CARMIL1: variants seen among roughly 807,000 people sequenced by gnomAD.
CARMIL1 encodes the protein capping protein regulator and myosin 1 linker 1.
Under a neutral mutation model 177.1 loss-of-function variants are expected in CARMIL1, and 90 were observed. The observed-to-expected ratio is 0.51, with a 90% CI of 0.43 to 0.61. The LOEUF (loss-of-function observed/expected upper bound fraction) is 0.61, where lower values mean the gene tolerates loss of function less well. Ranked by LOEUF, CARMIL1 falls within the 20% of genes least tolerant of loss-of-function variation. The pLI is 0.00. For synonymous variants in CARMIL1, 577 were observed against 606.2 expected (o/e 0.95, Z 0.71); for missense variants, 1,380 against 1,667.0 (o/e 0.83, Z 3.00).
At chr6:25,406,970 G>A (rs952054211) in intron 2 of CARMIL1, among the ~76,000 whole-genome samples, 2 of 152,142 alleles carry the variant, frequency 1.3e-5, no homozygotes, top group Non-Finnish European at 2.9e-5. Context: ...AACCACAGAG[G>A]CCAGTTGAAA....
chr6:25,570,706 A>T (rs1456374667), intron 29 of CARMIL1, among the ~76,000 whole-genome samples: 1 of 152,244 alleles, frequency 6.6e-6, no homozygotes, highest in African/African-American at 2.4e-5. Flanking sequence ...TAACATCATG[A>T]TGCCAGTTTA....
intron 2 of CARMIL1, among the ~76,000 whole-genome samples, chr6:25,382,944 T>C (rs146019841): frequency 8.0e-4 from 122 of 152,252 alleles, no homozygotes; most frequent in Middle Eastern, 3.4e-3. Flanking sequence ...CTTATATTTC[T>C]TATTATATCA....
intron 2 of CARMIL1, among the ~76,000 whole-genome samples, chr6:25,351,513 A>T (rs190201087): frequency 6.6e-6 from 1 of 152,218 alleles, no homozygotes; most frequent in Admixed American, 6.5e-5. Flanking sequence ...TGAAAATCGT[A>T]AATTGTTTTC....
intron 2 of CARMIL1, among the ~76,000 whole-genome samples, chr6:25,363,068 C>T (rs2150400644): frequency 6.6e-6 from 1 of 152,188 alleles, no homozygotes; most frequent in Non-Finnish European, 1.5e-5. Flanking sequence ...AAAGAAAGCA[C>T]ACAGTGGGTG....
intron 15 of CARMIL1, among the ~76,000 whole-genome samples, chr6:25,492,445 T>C (rs1044227349): frequency 2.0e-5 from 3 of 152,254 alleles, no homozygotes; most frequent in Admixed American, 2.0e-4. Context: ...CCAGTCTGAC[T>C]ACTTCACTTA....
At chr6:25,618,418 G>A (rs1000518608) in intron 36 of CARMIL1, among the ~76,000 whole-genome samples, 1 of 152,180 alleles carries the variant, frequency 6.6e-6, no homozygotes, top group South Asian at 2.1e-4. Flanking sequence ...GGCACAAAGT[G>A]TGTGGGTTTA....
At chr6:25,328,497 T>A (rs952997659) in intron 2 of CARMIL1, among the ~76,000 whole-genome samples, 1 of 152,228 alleles carries the variant, frequency 6.6e-6, no homozygotes, top group Non-Finnish European at 1.5e-5. Flanking sequence ...ATTTTTTTAC[T>A]TCTTGTGTGC....
At chr6:25,438,289 T>G (rs1484356505) in intron 5 of CARMIL1, among the ~76,000 whole-genome samples, 1 of 152,218 alleles carries the variant, frequency 6.6e-6, no homozygotes, top group Admixed American at 6.5e-5. Context: ...TTTATTGATT[T>G]TCTACTATAT....
At chr6:25,405,751 T>G (rs1429331711) in intron 2 of CARMIL1, among the ~76,000 whole-genome samples, 1 of 152,248 alleles carries the variant, frequency 6.6e-6, no homozygotes, top group Non-Finnish European at 1.5e-5. Context: ...AGCTAGTAGA[T>G]CTGTTTTAAG....
At chr6:25,360,871 A>G (rs916045160) in intron 2 of CARMIL1, among the ~76,000 whole-genome samples, 1 of 152,248 alleles carries the variant, frequency 6.6e-6, no homozygotes, top group African/African-American at 2.4e-5. Context: ...TGTCCAAACC[A>G]TCACTCAGTT....
At chr6:25,573,267 C>G (rs1258022714) in intron 29 of CARMIL1, among the ~76,000 whole-genome samples, 1 of 151,972 alleles carries the variant, frequency 6.6e-6, no homozygotes, top group South Asian at 2.1e-4. Flanking sequence ...TAAGATGTTT[C>G]AAAAAGTGTT....
chr6:25,370,327 G>A (rs899532489), intron 2 of CARMIL1, among the ~76,000 whole-genome samples: 1 of 152,112 alleles, frequency 6.6e-6, no homozygotes, highest in Non-Finnish European at 1.5e-5. Context: ...GGGGGTAGGC[G>A]GGGGAAGGTG....
chr6:25,570,051 G>A (rs1021239064), intron 29 of CARMIL1, among the ~76,000 whole-genome samples: 6 of 151,680 alleles, frequency 4.0e-5, no homozygotes, highest in South Asian at 2.1e-4. Flanking sequence ...TGCAAGCTCC[G>A]CCTCCCGAGT....
intron 10 of CARMIL1, 76 bp downstream of exon 10, chr6:25,471,333 T>G (rs1801081394): frequency 1.1e-6 from 1 of 928,182 alleles, no homozygotes; most frequent in Non-Finnish European, 1.6e-6. Flanking sequence ...AATTCATAGT[T>G]TTTTTTTTTT....
chr6:25,522,049 T>A (rs1176669132), intron 23 of CARMIL1, among the ~76,000 whole-genome samples: 2 of 152,204 alleles, frequency 1.3e-5, no homozygotes, highest in African/African-American at 4.8e-5. Flanking sequence ...GACTTTCCTC[T>A]ATCATTTCTT....
At chr6:25,300,403 A>T (rs1384807102) in intron 2 of CARMIL1, among the ~76,000 whole-genome samples, 2 of 152,244 alleles carry the variant, frequency 1.3e-5, no homozygotes, top group Non-Finnish European at 1.5e-5. Flanking sequence ...GTGGTGGCTC[A>T]TGCCTGTAAT....
rs1816386078 is a variant in CARMIL1, at chr6:25,610,166, A to G, written c.3964A>G (p.Thr1322Ala). 6.2e-7 allele frequency: 1 copy of G among 1,613,502 alleles called. No individual in the cohort carries two copies. The highest frequency in any genetic ancestry group is 2.2e-5 in the East Asian group (1 of 44,856). ...GAGTAGCCCCCAGCCCAGCCCCAGG[A>G]CATTTTCACAGGAAGGTAAGGATTG... ...GQSSPQPSPRTFSQEVSRRSW... is the reference protein window; with the variant it reads ...GQSSPQPSPRAFSQEVSRRSW... Residue 1322 changes from threonine to alanine, a missense_variant, in exon 36 of 37, where the codon ACA becomes GCA. Transcript: ENST00000329474.
At position 25,581,299 on chromosome 6, in the gene CARMIL1, C is replaced by A. The variant is rs770978392; in HGVS notation, c.2866C>A (p.Pro956Thr). 1 of 1,613,838 alleles carries A rather than the reference C, an allele frequency of 6.2e-7. No homozygotes were observed. Among genetic ancestry groups the A allele is most frequent in the Admixed American group, 1.7e-5 (1 of 59,996 alleles). Residue 956 changes from proline to threonine, a missense_variant, in exon 31 of 37, where the codon CCG (proline) becomes ACG (threonine). By Grantham distance (38) the Pro-to-Thr change is conservative (BLOSUM62 -1). Coordinates refer to ENST00000329474, the MANE Select transcript of CARMIL1 (RefSeq NM_017640.6). Reference sequence around the variant, plus strand: ...AGAGGTACCAATTCACATCGAAGACCCGCCCTTCCCATCCCTCAGACAGGA... The same window carrying A: ...AGAGGTACCAATTCACATCGAAGACACGCCCTTCCCATCCCTCAGACAGGA... Reference protein sequence around the residue: ...LEEVPIHIEDPPFPSLRQEKR... With the variant: ...LEEVPIHIEDTPFPSLRQEKR...
At chr6:25,441,603 C>G (rs6905021) in intron 5 of CARMIL1, among the ~76,000 whole-genome samples, 20,474 of 151,848 alleles carry the variant, frequency 0.13, 1,516 homozygotes, top group African/African-American at 0.19. Context: ...TAGAGAACAT[C>G]TGTAAAGAAG....
Sources: gnomAD v4.1 joint callset for allele counts (sites outside exome capture counted in the v4.1 genomes callset) on GRCh38, gnomAD v4.1.1 for gene constraint, MANE v1.5 for transcripts, NCBI Gene and HGNC (gene_info 2026-07-23, HGNC 2026-07-21) for gene names.